The following RGS7 variants were observed in gnomAD, a reference collection of about 807,000 sequenced individuals.
The protein encoded by RGS7 is regulator of G-protein signaling 7.
A neutral mutation model predicts 81.1 loss-of-function variants in RGS7; 27 were observed. The observed-to-expected ratio is 0.33, with a 90% confidence interval of 0.25 to 0.46. The LOEUF is 0.46. RGS7 is among the 20% of genes least tolerant of loss of function. The pLI is 1.00. For missense variants in RGS7, 396 were observed against 607.4 expected (o/e 0.65, Z 3.66); for synonymous variants, 208 against 207.7 (o/e 1.00, Z -0.01).
In RGS7 at chr1:241,211,749, C is replaced by T. The variant is rs560531506; in HGVS notation, c.79-112987G>A. Among the ~76,000 whole-genome samples the T allele has an allele frequency of 2.6e-5, 4 of 152,208 alleles. No homozygotes were observed. The South Asian group carries it at 8.3e-4, about 32-fold the overall frequency. ...AGTCCAAGGCATTGATGTAGCAAGG[C>T]GTTATGGTGTCATAGAAAGGAAACT... On this transcript the variant is annotated intron_variant, in intron 2 of 18. Coordinates refer to ENST00000440928, the MANE Select transcript of RGS7 (RefSeq NM_001364886.1).
intron 2 of RGS7, among the ~76,000 whole-genome samples, chr1:241,106,752 CCACACACACACACA>C (rs778017157): frequency 2.4e-4 from 29 of 121,644 alleles, no homozygotes; most frequent in East Asian, 2.3e-4. Flanking sequence ...AACACCACCA[CCACACACACACACA>C]CACACACACA....
intron 4 of RGS7, among the ~76,000 whole-genome samples, chr1:240,972,975 G>A (rs1683487533): frequency 6.6e-6 from 1 of 151,842 alleles, no homozygotes; most frequent in Non-Finnish European, 1.5e-5. Flanking sequence ...CCTGGGCCTG[G>A]GAGGTCAAGG....
chr1:240,894,253 G>C (rs1040861535), intron 6 of RGS7, among the ~76,000 whole-genome samples: 7 of 152,054 alleles, frequency 4.6e-5, no homozygotes, highest in African/African-American at 1.7e-4. Context: ...TCAAGTTTGG[G>C]GAGGTGCATC....
intron 3 of RGS7, among the ~76,000 whole-genome samples, chr1:241,025,553 G>C (rs1313947199): frequency 6.6e-6 from 1 of 152,092 alleles, no homozygotes; most frequent in East Asian, 1.9e-4. Flanking sequence ...TACTGCCTAG[G>C]GGCTGTGCAG....
intron 3 of RGS7, among the ~76,000 whole-genome samples, chr1:241,030,377 T>TATATATATATATAC (rs71793632): frequency 1.1e-4 from 15 of 137,378 alleles, no homozygotes; most frequent in African/African-American, 3.1e-4. Flanking sequence ...TATATATACA[T>TATATATATATATAC]ACACACATAC....
At chr1:241,169,336 CTTTTTTTT>C (rs57753661) in intron 2 of RGS7, among the ~76,000 whole-genome samples, 3 of 74,274 alleles carry the variant, frequency 4.0e-5, no homozygotes, top group Non-Finnish European at 7.1e-5. Context: ...ATGTGTGTTT[CTTTTTTTT>C]TTTTTTTTTT....
intron 6 of RGS7, among the ~76,000 whole-genome samples, chr1:240,904,278 G>A (rs1670473867): frequency 6.6e-6 from 1 of 152,154 alleles, no homozygotes; most frequent in Admixed American, 6.5e-5. Context: ...CCTTCTCCCA[G>A]AAAAGATCAG....
chr1:240,956,937 C>T (rs1680535521), intron 4 of RGS7, among the ~76,000 whole-genome samples: 1 of 152,046 alleles, frequency 6.6e-6, no homozygotes, highest in Admixed American at 6.6e-5. Flanking sequence ...TTAAGGCCGT[C>T]AAAAACAAGA....
At chr1:240,922,915 T>C (rs1156667916) in intron 6 of RGS7, among the ~76,000 whole-genome samples, 1 of 152,112 alleles carries the variant, frequency 6.6e-6, no homozygotes, top group Non-Finnish European at 1.5e-5. Flanking sequence ...TGAAGGTTTA[T>C]AGCAGCTCAA....
At chr1:240,851,739 C>T (rs951823834) in intron 9 of RGS7, among the ~76,000 whole-genome samples, 1 of 151,950 alleles carries the variant, frequency 6.6e-6, no homozygotes, top group Non-Finnish European at 1.5e-5. Context: ...GAAGTTGATC[C>T]CAGCCCTTAG....
intron 12 of RGS7, among the ~76,000 whole-genome samples, 153 bp downstream of exon 12, chr1:240,814,563 T>C (rs1690459760): frequency 6.6e-6 from 1 of 152,210 alleles, no homozygotes; most frequent in South Asian, 2.1e-4. Flanking sequence ...TTTGAAAGTT[T>C]TTCTATGTGC....
At chr1:240,951,029 C>A (rs116354677) in intron 4 of RGS7, among the ~76,000 whole-genome samples, 1 of 152,004 alleles carries the variant, frequency 6.6e-6, no homozygotes, top group East Asian at 1.9e-4. Context: ...TCAAGCAATC[C>A]TCCCAACTCA....
At chr1:241,146,139 C>G (rs1159182885) in intron 2 of RGS7, among the ~76,000 whole-genome samples, 1 of 152,110 alleles carries the variant, frequency 6.6e-6, no homozygotes, top group African/African-American at 2.4e-5. Flanking sequence ...TCCCTCCACA[C>G]TGGCATCCAT....
At chr1:240,919,684 A>ACAG in intron 6 of RGS7, 1 of 562,646 alleles carries the variant, frequency 1.8e-6, no homozygotes, top group Non-Finnish European at 3.3e-6. Context: ...AAAGAACCGA[A>ACAG]CAGCTGAGGA....
intron 4 of RGS7, among the ~76,000 whole-genome samples, chr1:240,958,827 C>A (rs77706756): frequency 0.059 from 8,941 of 152,278 alleles, 284 homozygotes; most frequent in South Asian, 0.095. Context: ...CCTCATGAGA[C>A]CTTTTCTGAC....
chr1:241,166,184 C>T (rs2070221670), intron 2 of RGS7, among the ~76,000 whole-genome samples: 1 of 152,070 alleles, frequency 6.6e-6, no homozygotes, highest in South Asian at 2.1e-4. Flanking sequence ...GACAGTTGAA[C>T]CTGAAAAATG....
intron 6 of RGS7, among the ~76,000 whole-genome samples, chr1:240,890,545 A>G (rs1668129265): frequency 2.0e-5 from 3 of 152,146 alleles, no homozygotes. Context: ...AAAGTTAAAA[A>G]TAATGAAAAT....
intron 9 of RGS7, among the ~76,000 whole-genome samples, chr1:240,853,758 C>A (rs1033153318): frequency 6.6e-6 from 1 of 151,564 alleles, no homozygotes; most frequent in South Asian, 2.1e-4. Context: ...AAAAATTAGC[C>A]GGGCGTGGTG....
chr1:240,844,872 G>T (rs1464028783), intron 9 of RGS7, among the ~76,000 whole-genome samples: 1 of 152,212 alleles, frequency 6.6e-6, no homozygotes, highest in African/African-American at 2.4e-5. Flanking sequence ...TGATAGGAAA[G>T]ACAGCATCAT....
Sources: gnomAD v4.1 joint callset for allele counts (sites outside exome capture counted in the v4.1 genomes callset) on GRCh38, gnomAD v4.1.1 for gene constraint, MANE v1.5 for transcripts, NCBI Gene and HGNC (gene_info 2026-07-23, HGNC 2026-07-21) for gene names.